Variants in RUNX1 observed in about 807,000 individuals in gnomAD.
The protein encoded by RUNX1 is RUNX family transcription factor 1.
In RUNX1, 19 loss-of-function variants were observed where a neutral mutation model predicts 42.8. That is an observed-to-expected ratio of 0.44 (90% CI 0.31 to 0.65). The LOEUF is 0.65. RUNX1 is among the 30% of genes least tolerant of loss of function. The probability of loss-of-function intolerance (pLI) is 0.07; values close to 1 mark genes in which losing one functional copy is unlikely to be tolerated. For synonymous variants in RUNX1, 271 were observed against 289.4 expected, an observed-to-expected ratio of 0.94 and a Z score of 0.64; for missense variants, 528 against 672.0, an observed-to-expected ratio of 0.79 and a Z score of 2.37.
intron 2 of RUNX1, among the ~76,000 whole-genome samples, chr21:35,041,718 A>G (rs2059360909): frequency 7.0e-6 from 1 of 143,596 alleles, no homozygotes; most frequent in African/African-American, 2.6e-5. Flanking sequence ...ATTTGCATCC[A>G]TGCTGAGGAA....
At chr21:35,013,555 T>A (rs1410381759) in intron 2 of RUNX1, among the ~76,000 whole-genome samples, 1 of 151,874 alleles carries the variant, frequency 6.6e-6, no homozygotes, top group Non-Finnish European at 1.5e-5. Context: ...TGAAAAAAAA[T>A]AATAAAACAA....
intron 2 of RUNX1, among the ~76,000 whole-genome samples, chr21:34,935,595 T>G (rs1383785666): frequency 6.6e-6 from 1 of 151,956 alleles, no homozygotes; most frequent in Non-Finnish European, 1.5e-5. Context: ...TTTTTTTTTG[T>G]AACCTGGTTA....
chr21:34,829,128 A>G (rs1464027496), intron 7 of RUNX1, among the ~76,000 whole-genome samples: 1 of 152,192 alleles, frequency 6.6e-6, no homozygotes, highest in African/African-American at 2.4e-5. Context: ...GGTAGAAACT[A>G]AGGTAGTCTG....
rs1601590107 is a variant in RUNX1, at chr21:34,937,394, G to T, written c.59-44431C>A. ...CCTCCAGTGACTCATAGGCTCTGGG[G>T]ATAATGTCTCTGAAATCATGCCTAT... is the stretch of plus-strand genomic sequence containing the variant. On this transcript the variant is annotated intron_variant, in intron 2 of 8. Coordinates refer to ENST00000675419, the MANE Select transcript of RUNX1 (RefSeq NM_001754.5). Among the ~76,000 whole-genome samples, 10 of 151,040 alleles carry T rather than the reference G, an allele frequency of 6.6e-5. 2 individuals are homozygous for T. The South Asian group carries it at 2.1e-3, about 32-fold the overall frequency.
intron 7 of RUNX1, among the ~76,000 whole-genome samples, chr21:34,805,884 A>C (rs1320864014): frequency 2.6e-5 from 4 of 152,238 alleles, no homozygotes; most frequent in Non-Finnish European, 4.4e-5. Context: ...GTAATGATAT[A>C]AACAGGAAGG....
intron 4 of RUNX1, among the ~76,000 whole-genome samples, chr21:34,882,865 CTGTGG>C (rs2146378980): frequency 6.6e-6 from 1 of 152,310 alleles, no homozygotes; most frequent in South Asian, 2.1e-4. Flanking sequence ...CCTCCTCTCC[CTGTGG>C]TAACCCAGGC....
intron 2 of RUNX1, among the ~76,000 whole-genome samples, chr21:34,948,306 C>T (rs1416700727): frequency 2.0e-5 from 3 of 152,084 alleles, no homozygotes; most frequent in African/African-American, 4.8e-5. Flanking sequence ...GGGGCCATGC[C>T]GGGGGCCTTG....
chr21:34,849,778 C>T (rs1475568223), intron 6 of RUNX1, among the ~76,000 whole-genome samples: 1 of 151,152 alleles, frequency 6.6e-6, no homozygotes, highest in African/African-American at 2.4e-5. Flanking sequence ...AAAAGCAAAC[C>T]TTCTCTAAAA....
At chr21:34,816,620 T>G (rs2056830869) in intron 7 of RUNX1, among the ~76,000 whole-genome samples, 1 of 151,880 alleles carries the variant, frequency 6.6e-6, no homozygotes, top group Admixed American at 6.6e-5. Context: ...TGGGCCTCAG[T>G]GAGGACAAAG....
At chr21:35,041,088 T>C (rs1205829106) in intron 2 of RUNX1, among the ~76,000 whole-genome samples, 1 of 152,200 alleles carries the variant, frequency 6.6e-6, no homozygotes, top group Admixed American at 6.5e-5. Flanking sequence ...GATTTATTGC[T>C]CAAATCTTAT....
At chr21:34,965,357 A>T (rs2834701) in intron 2 of RUNX1, among the ~76,000 whole-genome samples, 2 of 151,752 alleles carry the variant, frequency 1.3e-5, no homozygotes, top group Non-Finnish European at 2.9e-5. Flanking sequence ...AATCATCTGG[A>T]GCGTTTTTAT....
At chr21:34,868,604 C>A (rs960013985) in intron 5 of RUNX1, among the ~76,000 whole-genome samples, 4 of 152,204 alleles carry the variant, frequency 2.6e-5, no homozygotes, top group African/African-American at 9.6e-5. Flanking sequence ...TCCTTGTCAC[C>A]TGCAGGTCTC....
intron 5 of RUNX1, among the ~76,000 whole-genome samples, chr21:34,861,950 T>C (rs2146251151): frequency 6.6e-6 from 1 of 152,062 alleles, no homozygotes; most frequent in Non-Finnish European, 1.5e-5. Context: ...CTTTTCTATA[T>C]ACCCATGTAG....
At chr21:34,880,783 A>G (rs904391198) in intron 4 of RUNX1, 70 bp from the exon 5 acceptor site, 2 of 1,472,586 alleles carry the variant, frequency 1.4e-6, no homozygotes, top group South Asian at 2.3e-5. Context: ...GCATTTGTGT[A>G]GTGATTATTC....
In RUNX1 at chr21:35,022,843, C is replaced by T. The variant is rs562112221; in HGVS notation, c.58+25999G>A. On this transcript the variant is annotated intron_variant, in intron 2 of 8. Transcript: ENST00000675419. ...CCAGGAGGTGGAGGTTGCAGTGAGC[C>T]GAGATCGCGCCAGTGCACTCCAGTC... 1.5e-4 allele frequency among the ~76,000 whole-genome samples: 23 copies of T among 151,222 alleles called. 1 individual carries two copies. In the South Asian group the frequency reaches 4.4e-3, roughly 29 times the overall value.
At chr21:34,856,334 T>C in intron 6 of RUNX1, 1 of 518,854 alleles carries the variant, frequency 1.9e-6, no homozygotes, top group Non-Finnish European at 3.8e-6. Flanking sequence ...AATGAGGCAC[T>C]ACCATTTGCC....
intron 2 of RUNX1, among the ~76,000 whole-genome samples, chr21:34,961,880 T>C (rs553835308): frequency 1.3e-5 from 2 of 152,276 alleles, no homozygotes; most frequent in Admixed American, 6.5e-5. Context: ...TTATTGTTTT[T>C]AGTGGAATTT....
chr21:34,845,697 C>T (rs1249771548), intron 6 of RUNX1, among the ~76,000 whole-genome samples: 2 of 152,092 alleles, frequency 1.3e-5, no homozygotes, highest in Admixed American at 1.3e-4. Context: ...CCGCCCCACT[C>T]CCTTCCCAGT....
chr21:34,993,108 C>T (rs542535492), intron 2 of RUNX1, among the ~76,000 whole-genome samples: 33 of 152,294 alleles, frequency 2.2e-4, no homozygotes, highest in South Asian at 1.7e-3. Flanking sequence ...TCGTATCTGG[C>T]GGACGCCATC....
Sources: gnomAD v4.1 joint callset for allele counts (sites outside exome capture counted in the v4.1 genomes callset) on GRCh38, gnomAD v4.1.1 for gene constraint, MANE v1.5 for transcripts, NCBI Gene and HGNC (gene_info 2026-07-23, HGNC 2026-07-21) for gene names.